The following NEGR1 variants were observed in gnomAD, a reference collection of about 807,000 sequenced individuals.
The protein encoded by NEGR1 is neuronal growth regulator 1.
NEGR1 carries 10 observed loss-of-function variants against 40.9 expected under a neutral mutation model. That is an observed-to-expected ratio of 0.24 (90% CI 0.15 to 0.42). The LOEUF is 0.42. Among genes scored for constraint, NEGR1 ranks in the 10% least tolerant of loss-of-function variants. NEGR1 has a pLI of 1.00. For synonymous variants in NEGR1, 185 were observed against 166.8 expected (o/e 1.11, Z -0.84); for missense variants, 352 against 438.9 (o/e 0.80, Z 1.77).
At chr1:71,435,165 G>A (rs1051444020) in intron 6 of NEGR1, among the ~76,000 whole-genome samples, 6 of 151,914 alleles carry the variant, frequency 3.9e-5, no homozygotes, top group African/African-American at 1.2e-4. Context: ...GGGCAAAAAC[G>A]TTGTACTTTT....
intron 6 of NEGR1, among the ~76,000 whole-genome samples, chr1:71,454,712 T>C (rs1317631152): frequency 6.6e-6 from 1 of 152,218 alleles, no homozygotes; most frequent in East Asian, 1.9e-4. Flanking sequence ...TTACTAATTA[T>C]GTAAGCTTGA....
rs1236657600 is a variant in NEGR1 at position 72,027,569 on chromosome 1, A to C, written c.177-92258T>G. ...AATAATTAAAAAATAATATATAAAA[A>C]ATATTAAATCTGCCAGAACGACATA... On this transcript the variant is annotated intron_variant, in intron 1 of 6. Coordinates refer to ENST00000357731, the MANE Select transcript of NEGR1 (RefSeq NM_173808.3). Among the ~76,000 whole-genome samples, 4 of 152,036 alleles carry C rather than the reference A, an allele frequency of 2.6e-5. No individual in the cohort carries two copies. In the South Asian group the frequency reaches 6.2e-4, roughly 24 times the overall value.
intron 2 of NEGR1, among the ~76,000 whole-genome samples, chr1:71,909,518 C>T (rs1661366513): frequency 6.6e-6 from 1 of 152,130 alleles, no homozygotes; most frequent in African/African-American, 2.4e-5. Flanking sequence ...TCTTTTTGTT[C>T]TGAGCTAAGA....
chr1:71,640,307 A>C (rs952438172), intron 4 of NEGR1, among the ~76,000 whole-genome samples: 4 of 152,008 alleles, frequency 2.6e-5, no homozygotes, highest in African/African-American at 9.7e-5. Context: ...GTAGAGACTC[A>C]TGGGACACAG....
intron 3 of NEGR1, among the ~76,000 whole-genome samples, chr1:71,699,686 T>C (rs1219026343): frequency 6.6e-6 from 1 of 151,890 alleles, no homozygotes; most frequent in Non-Finnish European, 1.5e-5. Context: ...TGTGAAGACA[T>C]GAGATTTGGA....
chr1:71,795,232 A>G (rs1219248757), intron 2 of NEGR1, among the ~76,000 whole-genome samples: 1 of 152,006 alleles, frequency 6.6e-6, no homozygotes, highest in Non-Finnish European at 1.5e-5. Flanking sequence ...AAATACTTAG[A>G]AATGAAATTG....
intron 6 of NEGR1, among the ~76,000 whole-genome samples, chr1:71,473,883 C>T (rs1646800782): frequency 1.3e-5 from 2 of 151,978 alleles, no homozygotes; most frequent in South Asian, 4.1e-4. Flanking sequence ...AATGAAAACA[C>T]ATCCGAAAGT....
intron 6 of NEGR1, among the ~76,000 whole-genome samples, chr1:71,423,319 C>T (rs1457600354): frequency 6.6e-6 from 1 of 152,100 alleles, no homozygotes; most frequent in East Asian, 1.9e-4. Context: ...TGCTTGAGCC[C>T]AGGAGGTCAA....
At chr1:72,062,609 T>C (rs761523146) in intron 1 of NEGR1, among the ~76,000 whole-genome samples, 9 of 151,952 alleles carry the variant, frequency 5.9e-5, no homozygotes, top group Admixed American at 6.6e-5. Context: ...ACCAAAATGA[T>C]GAATTCCCAA....
intron 1 of NEGR1, among the ~76,000 whole-genome samples, chr1:72,059,181 C>T (rs1647142250): frequency 6.6e-6 from 1 of 151,568 alleles, no homozygotes; most frequent in African/African-American, 2.4e-5. Flanking sequence ...GCATAGAGTA[C>T]AGCATCTAGT....
intron 4 of NEGR1, among the ~76,000 whole-genome samples, chr1:71,629,991 GA>G (rs1650920280): frequency 6.6e-6 from 1 of 151,822 alleles, no homozygotes; most frequent in Admixed American, 6.6e-5. Flanking sequence ...AAATTGTAAT[GA>G]AAAGACTATG....
At chr1:71,811,235 A>G (rs1048034824) in intron 2 of NEGR1, among the ~76,000 whole-genome samples, 59 of 152,140 alleles carry the variant, frequency 3.9e-4, no homozygotes, top group African/African-American at 1.4e-3. Flanking sequence ...ATTTCTTACT[A>G]TTTCCTGGGT....
chr1:72,150,414 A>G (rs142423124), intron 1 of NEGR1, among the ~76,000 whole-genome samples: 250 of 152,318 alleles, frequency 1.6e-3, no homozygotes, highest in African/African-American at 5.7e-3. Flanking sequence ...ATAAGTAAAT[A>G]CAACCATTGA....
intron 4 of NEGR1, among the ~76,000 whole-genome samples, chr1:71,674,764 T>C (rs1570184161): frequency 6.6e-6 from 1 of 152,296 alleles, no homozygotes; most frequent in African/African-American, 2.4e-5. Context: ...GTCACTCAGA[T>C]GTAACCTTAT....
chr1:72,153,147 A>G (rs1283248582), intron 1 of NEGR1, among the ~76,000 whole-genome samples: 1 of 151,872 alleles, frequency 6.6e-6, no homozygotes, highest in Non-Finnish European at 1.5e-5. Context: ...AAAATTAAAG[A>G]ACAAAAAGGC....
At chr1:71,463,351 G>C (rs2101346494) in intron 6 of NEGR1, 1 of 152,238 alleles carries the variant, frequency 6.6e-6, no homozygotes, top group Non-Finnish European at 1.5e-5. Context: ...GAATTGCTCT[G>C]TTGAAGTTTT....
intron 1 of NEGR1, among the ~76,000 whole-genome samples, chr1:72,219,536 T>C (rs1653941932): frequency 6.6e-6 from 1 of 152,020 alleles, no homozygotes; most frequent in Admixed American, 6.6e-5. Context: ...ATGTCTGCCA[T>C]GGGAAAAATA....
chr1:72,042,224 C>G (rs1050665531), intron 1 of NEGR1, among the ~76,000 whole-genome samples: 1 of 151,542 alleles, frequency 6.6e-6, no homozygotes, highest in Non-Finnish European at 1.5e-5. Context: ...TTTTCCTGCA[C>G]TTCCTTCGGT....
intron 1 of NEGR1, among the ~76,000 whole-genome samples, chr1:72,001,040 T>G (rs1408601428): frequency 6.6e-6 from 1 of 151,872 alleles, no homozygotes; most frequent in African/African-American, 2.4e-5. Flanking sequence ...GACACATGTG[T>G]AGTAAAGGGA....
Sources: allele counts gnomAD v4.1 joint callset (sites outside exome capture counted in the v4.1 genomes callset), GRCh38; gene constraint gnomAD v4.1.1; transcripts MANE v1.5; gene names NCBI Gene and HGNC (gene_info 2026-07-23, HGNC 2026-07-21).